Variants in CLIC6 observed in about 807,000 individuals in gnomAD.
CLIC6 encodes the protein CLIC family member 6.
CLIC6 carries 39 observed loss-of-function variants against 49.2 expected under a neutral mutation model. That is an observed-to-expected ratio of 0.79 (90% CI 0.61 to 1.04). The LOEUF (loss-of-function observed/expected upper bound fraction) is 1.04. CLIC6 is among the 50% of genes least tolerant of loss of function. The pLI is 0.00. For missense variants in CLIC6, 988 were observed against 993.1 expected (o/e 0.99, Z 0.07); for synonymous variants, 446 against 433.4 (o/e 1.03, Z -0.36).
At chr21:34,696,292 G>C (rs1287511595) in intron 1 of CLIC6, among the ~76,000 whole-genome samples, 2 of 152,172 alleles carry the variant, frequency 1.3e-5, no homozygotes, top group Non-Finnish European at 2.9e-5. Flanking sequence ...CCTCAACCCA[G>C]CTCCATTTTC....
intron 1 of CLIC6, among the ~76,000 whole-genome samples, chr21:34,698,150 A>G (rs1990121577): frequency 6.6e-6 from 1 of 152,198 alleles, no homozygotes; most frequent in Non-Finnish European, 1.5e-5. Context: ...TAGACCTGTG[A>G]GGACAGTGGT....
chr21:34,716,631 T>C lies in CLIC6; in HGVS notation c.*149T>C. 1.9e-6 allele frequency: 1 copy of C among 540,040 alleles called. No homozygotes were observed. Among genetic ancestry groups the C allele is most frequent in the Admixed American group, 3.7e-5 (1 of 26,856 alleles). The allele number at this position is 540,040 out of a possible 1,614,324, so 33.5% of individuals were successfully genotyped here. On this transcript the variant is annotated 3_prime_UTR_variant, in exon 6 of 6. Coordinates refer to ENST00000349499, the MANE Select transcript of CLIC6 (RefSeq NM_053277.3). ...TTTTTAAATCATTGAGAGCCTGTTT[T>C]TCTTCTCTAAAACATTAGTTTAATT...
At position 34,717,611 on chromosome 21, in the gene CLIC6, T is replaced by C. The variant is rs941630073; in HGVS notation, c.*1129T>C. 2 of 152,166 alleles carry C rather than the reference T, an allele frequency of 1.3e-5. No homozygotes were observed. Among genetic ancestry groups the C allele is most frequent in the Admixed American group, 1.3e-4 (2 of 15,274 alleles). The allele number at this position is 152,166 out of a possible 1,614,324, so 9.4% of individuals were successfully genotyped here. On this transcript the variant is annotated 3_prime_UTR_variant, in exon 6 of 6. Transcript: ENST00000349499. ...TAACCAACCTCTCATCACAGCTTTG[T>C]GTGTGGGCTGAGTGCTGGCCTTAAC...
intron 1 of CLIC6, among the ~76,000 whole-genome samples, chr21:34,691,771 C>CT (rs940332847): frequency 2.6e-5 from 4 of 152,012 alleles, no homozygotes; most frequent in South Asian, 2.1e-4. Context: ...CATTTGCGTG[C>CT]TTTTTTTGTT....
chr21:34,686,562 C>T (rs558232336), intron 1 of CLIC6, among the ~76,000 whole-genome samples: 32 of 152,258 alleles, frequency 2.1e-4, no homozygotes, highest in Admixed American at 1.8e-3. Context: ...CTGGCCTGAC[C>T]TTAGTGACTA....
intron 1 of CLIC6, chr21:34,706,084 G>T (rs766761297): frequency 1.5e-6 from 1 of 681,210 alleles, no homozygotes; most frequent in Non-Finnish European, 2.7e-6. Context: ...CCTGAGAGTG[G>T]GTAATTTATA....
intron 1 of CLIC6, among the ~76,000 whole-genome samples, chr21:34,674,437 C>G (rs1341032681): frequency 2.0e-5 from 3 of 152,146 alleles, no homozygotes; most frequent in Non-Finnish European, 4.4e-5. Flanking sequence ...TACAAATATA[C>G]CAGAAAGTCA....
At chr21:34,706,595 C>T (rs910709042) in intron 1 of CLIC6, among the ~76,000 whole-genome samples, 16 of 152,292 alleles carry the variant, frequency 1.1e-4, no homozygotes, top group African/African-American at 2.9e-4. Context: ...CCTTCTGAGA[C>T]AATAGTATCT....
intron 4 of CLIC6, 46 bp from the exon 5 acceptor site, chr21:34,709,311 T>A: frequency 6.5e-7 from 1 of 1,545,836 alleles, no homozygotes. Flanking sequence ...AAAAGTGACA[T>A]GCACTTGCAA....
At chr21:34,704,497 G>A (rs1473882694) in intron 1 of CLIC6, among the ~76,000 whole-genome samples, 1 of 152,194 alleles carries the variant, frequency 6.6e-6, no homozygotes, top group African/African-American at 2.4e-5. Context: ...ATGCCTAACA[G>A]CCTTTGGTTC....
intron 2 of CLIC6, among the ~76,000 whole-genome samples, chr21:34,707,627 T>G (rs1180966959): frequency 6.6e-6 from 1 of 152,186 alleles, no homozygotes; most frequent in Non-Finnish European, 1.5e-5. Context: ...CTCCAGTTGC[T>G]GGTCAGCTGT....
chr21:34,709,413 C>T lies in CLIC6; in HGVS notation c.1774C>T (p.Pro592Ser). Residue 592 changes from proline (P) to serine (S), a missense_variant, in exon 5 of 6, where the codon CCT (proline) becomes TCT (serine). Pro to Ser is a moderately conservative substitution (Grantham distance 74, BLOSUM62 -1). This residue lies in a region of CLIC6 where 647 missense variants were observed against 596.9 expected (regional missense o/e 1.08). Transcript: ENST00000349499. ...GAAGCTGGATAATTACTTAAATAGC[C>T]CTCTGCCTGATGAAATAGATGCCTA... is the stretch of plus-strand genomic sequence containing the variant. ...LRKLDNYLNS[P>S]LPDEIDAYST... 1 of 1,614,048 alleles carries T rather than the reference C, an allele frequency of 6.2e-7. No individual in the cohort carries two copies.
At chr21:34,702,517 T>C (rs1990209403) in intron 1 of CLIC6, among the ~76,000 whole-genome samples, 1 of 152,164 alleles carries the variant, frequency 6.6e-6, no homozygotes. Flanking sequence ...GGGGTGTTCA[T>C]CAACCCCGTA....
chr21:34,686,554 G>C (rs1989882622), intron 1 of CLIC6, among the ~76,000 whole-genome samples: 2 of 152,156 alleles, frequency 1.3e-5, no homozygotes, highest in Admixed American at 1.3e-4. Context: ...CTCTGAATCT[G>C]GCCTGACCTT....
rs148615782 is a variant in CLIC6, at chr21:34,707,083, G to A, written c.1375-197G>A. On this transcript the variant is annotated intron_variant, in intron 1 of 5. Transcript: ENST00000349499. ...AGTGCATACATGTGCATGTGCGTGC[G>A]TGTGTGGTGTTCTCTCCCCTAACCC... 1.6e-3 allele frequency among the ~76,000 whole-genome samples: 247 copies of A among 152,244 alleles called. 1 individual carries two copies. The highest frequency in any genetic ancestry group is 5.5e-3 in the African/African-American group (229 of 41,532).
In CLIC6 at chr21:34,695,611, G is replaced by T. The variant is rs575167788; in HGVS notation, c.1375-11669G>T. 4.6e-5 allele frequency among the ~76,000 whole-genome samples: 7 copies of T among 152,316 alleles called. No individual in the cohort carries two copies. In the South Asian group the frequency reaches 1.5e-3, roughly 32 times the overall value. ...TTGGAAAGTCAGTTTGTGGTTATTT[G>T]CTTGGCTGTGTTGGGGATTGCCCTA... On this transcript the variant is annotated intron_variant, in intron 1 of 5. Transcript: ENST00000349499.
Position 34,670,321 on chromosome 21 carries a change from T to A in CLIC6, c.933T>A (p.Ile311=). 1 of 1,444,312 alleles carries A rather than the reference T, an allele frequency of 6.9e-7. No individual in the cohort carries two copies. Among genetic ancestry groups the A allele is most frequent in the Non-Finnish European group, 9.1e-7 (1 of 1,100,558 alleles). 89.5% of individuals were successfully genotyped at this position (1,444,312 alleles called of 1,614,324 possible). A position where few individuals can be genotyped will look rare whatever the true frequency, so the allele number is the denominator to read the frequency against. The change falls in exon 1 of 6, where the codon ATT becomes ATA. Residue 311 remains isoleucine, a synonymous_variant. Transcript: ENST00000349499. ...DGSLSPQAEA[I]EVAAGESAGR... is the part of the protein sequence containing the mutation. ...GCCTCTCGCCCCAGGCCGAGGCAAT[T>A]GAGGTCGCAGCCGGGGAGAGTGCGG...
Position 34,694,451 on chromosome 21 carries a change from T to C in CLIC6, c.1375-12829T>C, listed in dbSNP as rs1990057200. On this transcript the variant is annotated intron_variant, in intron 1 of 5. Coordinates refer to ENST00000349499, the MANE Select transcript of CLIC6 (RefSeq NM_053277.3). Reference sequence around the variant, plus strand: ...CTTCCCAAGTAGCTGAGACCACAAGTGCATGCCACCATGCCCAGCTATTTT... The same window carrying C: ...CTTCCCAAGTAGCTGAGACCACAAGCGCATGCCACCATGCCCAGCTATTTT... 3.3e-5 allele frequency among the ~76,000 whole-genome samples: 5 copies of C among 152,158 alleles called. No homozygotes were observed. In the South Asian group the frequency reaches 8.3e-4, roughly 25 times the overall value.
At chr21:34,680,600 G>A (rs1476458984) in intron 1 of CLIC6, among the ~76,000 whole-genome samples, 2 of 152,156 alleles carry the variant, frequency 1.3e-5, no homozygotes, top group Non-Finnish European at 2.9e-5. Context: ...CCTCTTGAAT[G>A]CTTTGCCACT....
Sources: allele counts gnomAD v4.1 joint callset (sites outside exome capture counted in the v4.1 genomes callset), GRCh38; gene constraint gnomAD v4.1.1; regional missense constraint gnomAD v4.1.1; transcripts MANE v1.5; gene names NCBI Gene and HGNC (gene_info 2026-07-23, HGNC 2026-07-21).